GEMIN5: variants seen among roughly 807,000 people sequenced by gnomAD.
The protein encoded by GEMIN5 is gem-associated protein 5.
GEMIN5 carries 124 observed loss-of-function variants against 176.9 expected under a neutral mutation model. The observed-to-expected ratio is 0.70, with a 90% CI of 0.61 to 0.81. GEMIN5 has a LOEUF of 0.81. Among genes scored for constraint, GEMIN5 ranks in the 40% least tolerant of loss-of-function variants. The pLI, the probability that GEMIN5 is intolerant of heterozygous loss-of-function variation, is 0.00. For synonymous variants in GEMIN5, 673 were observed against 665.2 expected (o/e 1.01, Z -0.18); for missense variants, 1,843 against 1,814.6 (o/e 1.02, Z -0.28).
chr5:154,893,534 C>A (rs1175158517), intron 24 of GEMIN5, among the ~76,000 whole-genome samples: 1 of 152,178 alleles, frequency 6.6e-6, no homozygotes, highest in African/African-American at 2.4e-5. Flanking sequence ...AGTTACAACA[C>A]TACCAGCAAA....
At chr5:154,911,671 C>T (rs1763702059) in intron 15 of GEMIN5, 56 bp downstream of exon 15, 3 of 1,447,674 alleles carry the variant, frequency 2.1e-6, no homozygotes, top group South Asian at 2.4e-5. Context: ...TCCTGATCAA[C>T]TCAATTATTA....
intron 18 of GEMIN5, 83 bp downstream of exon 18, chr5:154,904,424 C>T (rs1312551227): frequency 8.6e-7 from 1 of 1,162,756 alleles, no homozygotes; most frequent in East Asian, 2.4e-5. Context: ...TTTCTTTGGG[C>T]ATTCATTTAA....
chr5:154,911,926 G>T, intron 14 of GEMIN5, 28 bp from the exon 15 acceptor site: 2 of 1,598,860 alleles, frequency 1.3e-6, no homozygotes, highest in East Asian at 2.2e-5. Context: ...TGGCCGAAAA[G>T]ACATTTTCTG....
At chr5:154,892,995 G>A (rs1763269040) in intron 24 of GEMIN5, among the ~76,000 whole-genome samples, 2 of 152,098 alleles carry the variant, frequency 1.3e-5, no homozygotes, top group Non-Finnish European at 1.5e-5. Flanking sequence ...TACTCGGGAG[G>A]CTGAGACAGA....
In GEMIN5 at chr5:154,904,532, T is replaced by A. The variant is rs1393382889; in HGVS notation, c.2607A>T (p.Val869=). The change falls in exon 18 of 28, where the codon GTA becomes GTT. Residue 869 remains valine (V), a synonymous_variant. Transcript: ENST00000285873. ...SKEELHQDCL[V]LATAKHSREL... ...CTCTGGAGTGCTTTGCAGTTGCTAG[T>A]ACCAAACAGTCCTGATGAAGCTCCT... 6.2e-7 allele frequency: 1 copy of A among 1,613,618 alleles called. No homozygotes were observed. Among genetic ancestry groups the A allele is most frequent in the Admixed American group, 1.7e-5 (1 of 60,016 alleles).
rs1483954674 is a variant in GEMIN5 at position 154,902,683 on chromosome 5, G to GA, written c.2729-8dup. On this transcript the variant is annotated splice_polypyrimidine_tract_variant and splice_region_variant and intron_variant, in intron 19 of 27. Coordinates refer to ENST00000285873, the MANE Select transcript of GEMIN5 (RefSeq NM_015465.5). ...TTTTCTAAGTGACCTTTTCCTGTTT[G>GA]AAAGAGAGATAATGTTTGGAAGGTG... 42 of 1,612,750 alleles carry GA rather than the reference G, an allele frequency of 2.6e-5. No individual in the cohort carries two copies. Among genetic ancestry groups the GA allele is most frequent in the Admixed American group, 8.3e-5 (5 of 59,898 alleles).
At position 154,928,508 on chromosome 5, in the gene GEMIN5, A is replaced by G. The variant is rs765698167; in HGVS notation, c.914+19T>C. On this transcript the variant is annotated intron_variant, in intron 6 of 27. Transcript: ENST00000285873. ...AAAAACAAAATATATCTGAGAAAGCATGACCAAAAAAGACTTACCCAAAAC... is the reference window on the plus strand; with the variant it reads ...AAAAACAAAATATATCTGAGAAAGCGTGACCAAAAAAGACTTACCCAAAAC... 1.2e-6 allele frequency: 2 copies of G among 1,612,878 alleles called. No homozygotes were observed. Among genetic ancestry groups the G allele is most frequent in the Non-Finnish European group, 1.7e-6 (2 of 1,179,276 alleles).
Position 154,892,373 on chromosome 5 carries a change from AG to A in GEMIN5, c.3760+13del. On this transcript the variant is annotated intron_variant, in intron 25 of 27. Transcript: ENST00000285873. ...CATTAAAGGGTGTGCCTCAGGCAGC[AG>A]GAAGTCACTTACCGTCAGGGAGAAA... 1 of 1,608,136 alleles carries A rather than the reference AG, an allele frequency of 6.2e-7. No individual in the cohort carries two copies. Among genetic ancestry groups the A allele is most frequent in the Non-Finnish European group, 8.5e-7 (1 of 1,175,026 alleles).
chr5:154,926,072 T>A lies in GEMIN5; in HGVS notation c.1083A>T (p.Val361=). The change falls in exon 8 of 28, where the codon GTA becomes GTT. Residue 361 remains valine (V), a splice_region_variant and synonymous_variant. Transcript: ENST00000285873. ...CCAAGGTGGCTATGTCCCAACATTT[T>A]ACCTGCAAAGATTAACGGTAAGGGC... is the stretch of plus-strand genomic sequence containing the variant. ...LLLSTSMDRD[V]KCWDIATLEC... is the part of the protein sequence containing the mutation. 1.9e-6 allele frequency: 3 copies of A among 1,603,420 alleles called. No individual in the cohort carries two copies. Among genetic ancestry groups the A allele is most frequent in the Non-Finnish European group, 2.6e-6 (3 of 1,170,370 alleles).
intron 20 of GEMIN5, 138 bp downstream of exon 20, chr5:154,902,401 T>C: frequency 1.4e-6 from 1 of 711,876 alleles, no homozygotes; most frequent in Admixed American, 2.7e-5. Context: ...TTTATTAGTT[T>C]GTCTATTGCT....
intron 10 of GEMIN5, among the ~76,000 whole-genome samples, chr5:154,920,659 T>C (rs1763904214): frequency 6.6e-6 from 1 of 152,254 alleles, no homozygotes; most frequent in Non-Finnish European, 1.5e-5. Context: ...TAAACATTTG[T>C]TGCATAAATG....
intron 7 of GEMIN5, among the ~76,000 whole-genome samples, chr5:154,926,730 T>G (rs1052512033): frequency 6.6e-6 from 1 of 152,142 alleles, no homozygotes; most frequent in Non-Finnish European, 1.5e-5. Flanking sequence ...GAAGCAGAAT[T>G]GTCTTGGGCC....
At position 154,927,464 on chromosome 5, in the gene GEMIN5, G is replaced by T; in HGVS notation, c.1001C>A (p.Ser334Ter). Residue 334 changes from serine (S) to a stop codon, truncating the protein, a stop_gained, in exon 7 of 28, where the codon TCA (serine) becomes TAA (stop). Transcript: ENST00000285873. LOFTEE classifies it high-confidence loss of function. The part of the protein sequence containing the change: ...FSASSEGQNH[S>*]RIVFNLCPLQ... ...AGGACATAAATTAAACACAATTCTT[G>T]AATGATTTTGCCCTTCTGATGAGGC... is the stretch of plus-strand genomic sequence containing the variant. 6.2e-7 allele frequency: 1 copy of T among 1,603,134 alleles called. No homozygotes were observed. Among genetic ancestry groups the T allele is most frequent in the Non-Finnish European group, 8.5e-7 (1 of 1,169,982 alleles).
At chr5:154,929,467 T>TA (rs1764116368) in intron 5 of GEMIN5, among the ~76,000 whole-genome samples, 1 of 152,212 alleles carries the variant, frequency 6.6e-6, no homozygotes, top group Admixed American at 6.5e-5. Context: ...CACCGTTTTT[T>TA]AAGCTGTATT....
intron 23 of GEMIN5, 33 bp from the exon 24 acceptor site, chr5:154,896,376 A>G: frequency 6.5e-7 from 1 of 1,531,066 alleles, no homozygotes; most frequent in Non-Finnish European, 8.7e-7. Flanking sequence ...AGGAACTGTT[A>G]TACAGGGAAA....
intron 13 of GEMIN5, among the ~76,000 whole-genome samples, chr5:154,914,865 C>T (rs1275744152): frequency 2.0e-5 from 3 of 152,152 alleles, no homozygotes; most frequent in East Asian, 3.8e-4. Flanking sequence ...CATACATACA[C>T]GCACACAGAA....
Position 154,917,090 on chromosome 5 carries a change from T to C in GEMIN5, c.1763A>G (p.His588Arg), listed in dbSNP as rs779698477. ...HKLVNTISWH[H>R]EHGSQPELSY... ...CAATTCTGGCTGGCTGCCATGCTCA[T>C]GATGCCAGCTAATGGTATTCACAAG... is the stretch of plus-strand genomic sequence containing the variant. Residue 588 changes from histidine to arginine, a missense_variant, in exon 13 of 28, where the codon CAT (histidine) becomes CGT (arginine). By Grantham distance (29) the His-to-Arg change is conservative. Coordinates refer to ENST00000285873, the MANE Select transcript of GEMIN5 (RefSeq NM_015465.5). The C allele has an allele frequency of 5.4e-5, 87 of 1,608,672 alleles. No individual in the cohort carries two copies. The highest frequency in any genetic ancestry group is 7.2e-5 in the Non-Finnish European group (85 of 1,175,856).
intron 15 of GEMIN5, among the ~76,000 whole-genome samples, chr5:154,908,198 T>TTG (rs1763613585): frequency 1.4e-5 from 2 of 147,462 alleles, no homozygotes; most frequent in Non-Finnish European, 3.0e-5. Flanking sequence ...TTTTTTTTTT[T>TTG]GGAGATGGTT....
intron 10 of GEMIN5, 130 bp from the exon 11 acceptor site, chr5:154,920,233 A>T: frequency 1.7e-6 from 1 of 594,436 alleles, no homozygotes; most frequent in South Asian, 3.4e-5. Context: ...ATTCTAATAC[A>T]TTGGAATAAA....
Sources: allele counts gnomAD v4.1 joint callset (sites outside exome capture counted in the v4.1 genomes callset), GRCh38; gene constraint gnomAD v4.1.1; transcripts MANE v1.5; gene names NCBI Gene and HGNC (gene_info 2026-07-23, HGNC 2026-07-21).